FGF13: variants seen among roughly 807,000 people sequenced by gnomAD.
The protein encoded by FGF13 is fibroblast growth factor 13.
FGF13 carries 2 observed loss-of-function variants against 19.5 expected under a neutral mutation model. The ratio of observed to expected loss-of-function variants is 0.10; its 90% CI spans 0.04 to 0.32. FGF13 has a LOEUF of 0.32. Ranked by LOEUF, FGF13 falls within the 10% of genes least tolerant of loss-of-function variation. FGF13 has a pLI of 1.00. For missense variants in FGF13, 113 were observed against 192.7 expected, an observed-to-expected ratio of 0.59 and a Z score of 2.45; for synonymous variants, 72 against 76.9, an observed-to-expected ratio of 0.94 and a Z score of 0.33.
chrX:138,691,737 A>G (rs2089840552), intron 3 of FGF13, among the ~76,000 whole-genome samples: 1 of 111,674 alleles, frequency 9.0e-6, no homozygotes, highest in South Asian at 3.7e-4. Flanking sequence ...GGCCCTTTTA[A>G]AAGGAGGTGT....
At chrX:138,971,408 T>C (rs183490181) in intron 1 of FGF13, among the ~76,000 whole-genome samples, 3 of 112,336 alleles carry the variant, frequency 2.7e-5, no homozygotes, top group African/African-American at 9.7e-5. Context: ...CAAATAATAA[T>C]TGCACATATT....
At chrX:138,777,366 G>A (rs986537973) in intron 3 of FGF13, among the ~76,000 whole-genome samples, 8 of 111,423 alleles carry the variant, frequency 7.2e-5, no homozygotes, top group African/African-American at 2.6e-4. Flanking sequence ...TTGTTTCTAC[G>A]GACCTGACAC....
chrX:138,984,556 A>G (rs1274859427), intron 1 of FGF13, among the ~76,000 whole-genome samples: 1 of 43,044 alleles, frequency 2.3e-5, no homozygotes, highest in African/African-American at 8.3e-5. Flanking sequence ...AAGAAGAAGA[A>G]GAAGAAGAAG....
chrX:138,792,070 T>C lies in FGF13; in HGVS notation c.217+65442A>G, dbSNP rs143097233. Among the ~76,000 whole-genome samples the C allele has an allele frequency of 5.7e-3, 637 of 111,815 alleles. 3 individuals are homozygous for C. Among genetic ancestry groups the C allele is most frequent in the African/African-American group, 0.019 (590 of 30,766 alleles). On this transcript the variant is annotated intron_variant, in intron 3 of 6. Transcript: ENST00000436198. ...AAAGCTGAGTAGTGTTGCTAGCTTC[T>C]CACAATAATACTATCTTTCTCCCTT... is the stretch of plus-strand genomic sequence containing the variant.
intron 1 of FGF13, among the ~76,000 whole-genome samples, chrX:138,992,762 T>C (rs1346809695): frequency 3.6e-5 from 4 of 111,866 alleles, no homozygotes; most frequent in Non-Finnish European, 5.6e-5. Context: ...AGTTAAGAAA[T>C]GTTGATGAGT....
At chrX:139,029,528 G>C (rs970646496) in intron 1 of FGF13, among the ~76,000 whole-genome samples, 9 of 111,362 alleles carry the variant, frequency 8.1e-5, no homozygotes, top group Admixed American at 1.9e-4. Flanking sequence ...ATCTTGCTTT[G>C]GCCACTTGTT....
At position 138,631,727 on chromosome X, in the gene FGF13, T is replaced by C. The variant is rs975998210; in HGVS notation, c.*1123A>G. On this transcript the variant is annotated 3_prime_UTR_variant, in exon 5 of 5. Coordinates refer to ENST00000315930, the MANE Select transcript of FGF13 (RefSeq NM_004114.5). Reference sequence around the variant, plus strand: ...AACACAGATTTTTAACAATTATGAATGCACAAAATCTTACATATCATGCAA... The same window carrying C: ...AACACAGATTTTTAACAATTATGAACGCACAAAATCTTACATATCATGCAA... 6.2e-5 allele frequency: 7 copies of C among 112,472 alleles called. No homozygotes were observed. Among genetic ancestry groups the C allele is most frequent in the Admixed American group, 5.7e-4 (6 of 10,532 alleles). 9.3% of individuals were successfully genotyped at this position (112,472 alleles called of 1,213,427 possible).
intron 1 of FGF13, among the ~76,000 whole-genome samples, chrX:139,120,166 G>A (rs1377607885): frequency 8.9e-6 from 1 of 112,344 alleles, no homozygotes; most frequent in Non-Finnish European, 1.9e-5. Context: ...TAAGTTTCTC[G>A]AGGCCTCCCC....
At chrX:138,887,681 C>A (rs1225258125) in intron 1 of FGF13, among the ~76,000 whole-genome samples, 3 of 111,976 alleles carry the variant, frequency 2.7e-5, no homozygotes, top group African/African-American at 9.7e-5. Flanking sequence ...GACAATGACT[C>A]ATTAAATAAA....
At chrX:138,728,208 G>A (rs963139109) in intron 1 of FGF13, among the ~76,000 whole-genome samples, 1 of 111,016 alleles carries the variant, frequency 9.0e-6, no homozygotes, top group African/African-American at 3.3e-5. Flanking sequence ...TTGGCTCCGT[G>A]GGTTATAACT....
At chrX:138,669,156 G>C (rs2089586233) in intron 3 of FGF13, among the ~76,000 whole-genome samples, 1 of 110,476 alleles carries the variant, frequency 9.1e-6, no homozygotes, top group Admixed American at 9.7e-5. Context: ...GTGGAAAAAA[G>C]GTAGTAGTCC....
In FGF13 at chrX:139,103,285, C is replaced by A. The variant is rs761662795; in HGVS notation, c.-113+100131G>T. Among the ~76,000 whole-genome samples, 234 of 112,111 alleles carry A rather than the reference C, an allele frequency of 2.1e-3. 2 individuals are homozygous for A. The highest frequency in any genetic ancestry group is 7.3e-3 in the African/African-American group (225 of 30,887). On this transcript the variant is annotated intron_variant, in intron 1 of 2. Coordinates refer to the FGF13 transcript ENST00000421460. ...AGATGGAAACAACCCAAATGTCCAT[C>A]AACTAATGGCTGGATAAACAAAATG...
chrX:138,866,577 C>T (rs1212551782), intron 1 of FGF13, among the ~76,000 whole-genome samples: 1 of 110,900 alleles, frequency 9.0e-6, no homozygotes, highest in African/African-American at 3.3e-5. Flanking sequence ...CCGCTCCCAC[C>T]CCCACCACCA....
At chrX:138,951,370 T>C (rs1477106575) in intron 1 of FGF13, among the ~76,000 whole-genome samples, 3 of 111,807 alleles carry the variant, frequency 2.7e-5, no homozygotes, top group African/African-American at 9.8e-5. Context: ...AAATATTTCT[T>C]AGACAGGATA....
intron 3 of FGF13, among the ~76,000 whole-genome samples, chrX:138,818,290 A>G (rs916814440): frequency 9.0e-6 from 1 of 110,717 alleles, no homozygotes; most frequent in African/African-American, 3.3e-5. Context: ...ACAAGTTGCT[A>G]TCCATTTCTA....
intron 1 of FGF13, among the ~76,000 whole-genome samples, chrX:138,938,543 C>T (rs768220548): frequency 9.0e-6 from 1 of 111,036 alleles, no homozygotes; most frequent in African/African-American, 3.3e-5. Flanking sequence ...CTGGGATTCA[C>T]GGGATTCTGC....
At chrX:139,086,598 C>T (rs2083405142) in intron 1 of FGF13, among the ~76,000 whole-genome samples, 1 of 111,670 alleles carries the variant, frequency 9.0e-6, no homozygotes. Flanking sequence ...TGATGGATAC[C>T]GCAAGTACTC....
chrX:139,166,602 C>A (rs1370873371), intron 1 of FGF13, among the ~76,000 whole-genome samples: 1 of 110,636 alleles, frequency 9.0e-6, no homozygotes, highest in Non-Finnish European at 1.9e-5. Flanking sequence ...GTTTGAATAC[C>A]CCCACCCAAA....
chrX:138,854,638 C>T (rs1176141748), downstream of FGF13, among the ~76,000 whole-genome samples: 1 of 112,318 alleles, frequency 8.9e-6, no homozygotes, highest in Non-Finnish European at 1.9e-5. Context: ...TCACAATACA[C>T]ATAAACCTGT....
Sources: gnomAD v4.1 joint callset for allele counts (sites outside exome capture counted in the v4.1 genomes callset) on GRCh38, gnomAD v4.1.1 for gene constraint, MANE v1.5 for transcripts, NCBI Gene and HGNC (gene_info 2026-07-23, HGNC 2026-07-21) for gene names.